The following POLR2M variants were observed in gnomAD, a reference collection of about 807,000 sequenced individuals.
POLR2M encodes protein GRINL1A.
A neutral mutation model predicts 34.6 loss-of-function variants in POLR2M; 30 were observed. That is an observed-to-expected ratio of 0.87 (90% confidence interval 0.65 to 1.18). The LOEUF is 1.18. POLR2M is among the 50% of genes most tolerant of loss of function. The pLI is 0.00. For synonymous variants in POLR2M, 150 were observed against 166.7 expected (o/e 0.90, Z 0.77); for missense variants, 432 against 448.7 (o/e 0.96, Z 0.34).
At chr15:57,709,853 C>G (rs567336879) in intron 2 of POLR2M, among the ~76,000 whole-genome samples, 1 of 151,960 alleles carries the variant, frequency 6.6e-6, no homozygotes, top group Non-Finnish European at 1.5e-5. Flanking sequence ...TCAAAGTGTA[C>G]TCTCTTTGAT....
Position 57,709,278 on chromosome 15 carries a change from G to A in POLR2M, c.678G>A (p.Glu226=). 6.2e-7 allele frequency: 1 copy of A among 1,614,222 alleles called. No individual in the cohort carries two copies. The highest frequency in any genetic ancestry group is 1.1e-5 in the South Asian group (1 of 91,090). ...TGACAGGCCTTTCCAGTGGGACTGAGAAGAAACCTCATTACATGGAAGTGC... is the reference window on the plus strand; with the variant it reads ...TGACAGGCCTTTCCAGTGGGACTGAAAAGAAACCTCATTACATGGAAGTGC... ...KNLTGLSSGT[E]KKPHYMEVLE... The change falls in exon 2 of 4, where the codon GAG becomes GAA. Residue 226 remains glutamate, a synonymous_variant. Transcript: ENST00000299638.
rs2040966277 is a variant in POLR2M at position 57,716,837 on chromosome 15, G to A, written c.*2158G>A. 6.6e-6 allele frequency: 1 copy of A among 152,146 alleles called. No homozygotes were observed. Among genetic ancestry groups the A allele is most frequent in the African/African-American group, 2.4e-5 (1 of 41,432 alleles). The allele number at this position is 152,146 out of a possible 1,614,324, so 9.4% of individuals were successfully genotyped here. On this transcript the variant is annotated 3_prime_UTR_variant, in exon 4 of 4. Coordinates refer to ENST00000299638, the MANE Select transcript of POLR2M (RefSeq NM_015532.5). ...AGTATAGAAGTTGTTTTCTTTAGGA[G>A]TCTACCTTTGTGTATGTGCTTGAAA... is the stretch of plus-strand genomic sequence containing the variant.
intron 1 of POLR2M, chr15:57,707,535 A>G: frequency 2.1e-6 from 1 of 469,026 alleles, no homozygotes; most frequent in Middle Eastern, 3.2e-4. Flanking sequence ...CAGTAGAAGG[A>G]TATTTTCAGA....
intron 1 of POLR2M, chr15:57,707,658 A>G (rs535818313): frequency 1.0e-5 from 4 of 392,232 alleles, no homozygotes; most frequent in East Asian, 1.5e-4. Context: ...TTTCCAATCT[A>G]TATGGAAGAC....
Position 57,712,074 on chromosome 15 carries a change from G to T in POLR2M, c.849G>T (p.Gln283His). 2 of 1,614,098 alleles carry T rather than the reference G, an allele frequency of 1.2e-6. No individual in the cohort carries two copies. Among genetic ancestry groups the T allele is most frequent in the Non-Finnish European group, 1.7e-6 (2 of 1,180,004 alleles). Residue 283 changes from glutamine (Q) to histidine (H), a missense_variant, in exon 3 of 4, where the codon CAG becomes CAT. Coordinates refer to ENST00000299638, the MANE Select transcript of POLR2M (RefSeq NM_015532.5). ...AAGAGCGGCGGCGCAGGGATAAGCA[G>T]CATCTTGATGACATCACAGCAGCTC... ...SSEERRRRDK[Q>H]HLDDITAARL... is the part of the protein sequence containing the mutation.
intron 2 of POLR2M, 74 bp from the exon 3 acceptor site, chr15:57,711,910 A>G (rs561559957): frequency 6.5e-7 from 1 of 1,547,314 alleles, no homozygotes; most frequent in Non-Finnish European, 8.8e-7. Context: ...GGTAAAGGCC[A>G]TTTGTGTGAA....
rs1023095200 is a variant in POLR2M at position 57,706,789 on chromosome 15, G to A, written c.-54G>A. The stretch of plus-strand genomic sequence containing the variant: ...TCCGCGGATCCGGCGCTAGTAGCGG[G>A]GCCTGCCGAGGAAGCCGAGTGCCCG... On this transcript the variant is annotated 5_prime_UTR_variant, in exon 1 of 4. Coordinates refer to ENST00000299638, the MANE Select transcript of POLR2M (RefSeq NM_015532.5). The A allele has an allele frequency of 9.1e-6, 14 of 1,535,226 alleles. No individual in the cohort carries two copies. Among genetic ancestry groups the A allele is most frequent in the Non-Finnish European group, 1.1e-5 (12 of 1,135,542 alleles).
At chr15:57,709,755 T>C (rs1029367274) in intron 2 of POLR2M, among the ~76,000 whole-genome samples, 15 of 152,224 alleles carry the variant, frequency 9.9e-5, no homozygotes, top group Admixed American at 2.0e-4. Flanking sequence ...AGCCAGTATT[T>C]CATAATAAAC....
At chr15:57,712,546 T>G (rs746867401) in intron 3 of POLR2M, among the ~76,000 whole-genome samples, 2 of 152,174 alleles carry the variant, frequency 1.3e-5, no homozygotes, top group Non-Finnish European at 2.9e-5. Context: ...AGTGGCGGAC[T>G]CAAACCCAGA....
rs1464059173 is a variant in POLR2M at position 57,709,353 on chromosome 15, C to T, written c.753C>T (p.Thr251=). 6.2e-7 allele frequency: 1 copy of T among 1,611,870 alleles called. No homozygotes were observed. Among genetic ancestry groups the T allele is most frequent in the Non-Finnish European group, 8.5e-7 (1 of 1,178,988 alleles). ...TGCCCCAGCTGCGTAAATTTAAAAC[C>T]AATGTGTAAGTACCCTCGGAAACAG... ...NPVPQLRKFK[T]NVLPFRQNDS... is the part of the protein sequence containing the mutation. The change falls in exon 2 of 4, where the codon ACC becomes ACT. Residue 251 remains threonine (T), a synonymous_variant. Transcript: ENST00000299638.
intron 3 of POLR2M, among the ~76,000 whole-genome samples, chr15:57,713,166 A>G (rs1243040581): frequency 6.7e-6 from 1 of 149,470 alleles, no homozygotes; most frequent in Non-Finnish European, 1.5e-5. Flanking sequence ...TGCACTCTGT[A>G]TAGCCTGGGT....
chr15:57,710,960 A>C (rs2040686555), intron 2 of POLR2M, among the ~76,000 whole-genome samples: 1 of 152,160 alleles, frequency 6.6e-6, no homozygotes, highest in African/African-American at 2.4e-5. Flanking sequence ...TGGATGCTGG[A>C]GGCTGACCCC....
intron 3 of POLR2M, 134 bp downstream of exon 3, chr15:57,712,322 A>C (rs139570775): frequency 9.6e-7 from 1 of 1,044,416 alleles, no homozygotes; most frequent in Non-Finnish European, 1.4e-6. Flanking sequence ...CTATGCCACT[A>C]GTTTTCAGAG....
intron 2 of POLR2M, among the ~76,000 whole-genome samples, chr15:57,710,857 G>A (rs529618289): frequency 3.0e-4 from 45 of 152,246 alleles, no homozygotes; most frequent in African/African-American, 1.0e-3. Flanking sequence ...CCGTGTGAGA[G>A]GTGGCTTGGA....
rs199754215 is a variant in POLR2M at position 57,709,136 on chromosome 15, G to A, written c.536G>A (p.Ser179Asn). The change falls in exon 2 of 4, where the codon AGT becomes AAT. Residue 179 changes from serine to asparagine, a missense_variant. Transcript: ENST00000299638. ...SEHHPRHRVS[S>N]QAEDTSSSFD... Reference sequence around the variant, plus strand: ...CATCACCCGCGGCATCGTGTTTCAAGTCAAGCGGAAGATACTTCCAGCAGC... The same window carrying A: ...CATCACCCGCGGCATCGTGTTTCAAATCAAGCGGAAGATACTTCCAGCAGC... 1.2e-6 allele frequency: 2 copies of A among 1,614,234 alleles called. No homozygotes were observed. The highest frequency in any genetic ancestry group is 4.5e-5 in the East Asian group (2 of 44,890).
At chr15:57,710,585 C>T (rs866274793) in intron 2 of POLR2M, among the ~76,000 whole-genome samples, 37 of 152,290 alleles carry the variant, frequency 2.4e-4, no homozygotes, top group African/African-American at 8.7e-4. Context: ...AGTGGGGTAT[C>T]TTTCTTCACT....
chr15:57,713,933 C>T (rs2040842341), intron 3 of POLR2M, among the ~76,000 whole-genome samples: 1 of 145,998 alleles, frequency 6.8e-6, no homozygotes, highest in Admixed American at 7.0e-5. Context: ...GCTCCGCCTC[C>T]CGGGTTCACG....
intron 2 of POLR2M, among the ~76,000 whole-genome samples, chr15:57,710,413 A>T (rs916585310): frequency 2.0e-5 from 3 of 152,250 alleles, no homozygotes; most frequent in Non-Finnish European, 2.9e-5. Flanking sequence ...CCTTTCTTTG[A>T]AAAACAGAAA....
intron 1 of POLR2M, 36 bp downstream of exon 1, chr15:57,706,991 C>A (rs1237560090): frequency 6.4e-7 from 1 of 1,556,822 alleles, no homozygotes; most frequent in African/African-American, 1.4e-5. Flanking sequence ...CGCCAGGCTC[C>A]TTCAGCTCGA....
Sources: gnomAD v4.1 joint callset for allele counts (sites outside exome capture counted in the v4.1 genomes callset) on GRCh38, gnomAD v4.1.1 for gene constraint, MANE v1.5 for transcripts, NCBI Gene and HGNC (gene_info 2026-07-23, HGNC 2026-07-21) for gene names.